TTC6: variants seen among roughly 807,000 people sequenced by gnomAD.
TTC6 encodes the protein tetratricopeptide repeat protein 6.
Under a neutral mutation model 210.4 loss-of-function variants are expected in TTC6, and 172 were observed. That is an observed-to-expected ratio of 0.82 (90% CI 0.72 to 0.93). The LOEUF (loss-of-function observed/expected upper bound fraction) is 0.93. TTC6 is among the 40% of genes least tolerant of loss of function. The pLI, the probability that TTC6 is intolerant of heterozygous loss-of-function variation, is 0.00. For synonymous variants in TTC6, 804 were observed against 819.6 expected, an observed-to-expected ratio of 0.98 and a Z score of 0.32; for missense variants, 2,414 against 2,318.1, an observed-to-expected ratio of 1.04 and a Z score of -0.85.
chr14:37,655,364 C>T (rs1428126658), intron 1 of TTC6, among the ~76,000 whole-genome samples: 2 of 152,134 alleles, frequency 1.3e-5, no homozygotes, highest in Non-Finnish European at 2.9e-5. Flanking sequence ...TAACTTTCTG[C>T]ATTTTATTTC....
At chr14:37,783,246 A>T (rs904023500) in intron 14 of TTC6, among the ~76,000 whole-genome samples, 1 of 152,128 alleles carries the variant, frequency 6.6e-6, no homozygotes, top group African/African-American at 2.4e-5. Context: ...TCGGCTGTGA[A>T]TCTGTCTGGT....
chr14:37,710,937 C>T (rs1366506255), intron 5 of TTC6, among the ~76,000 whole-genome samples: 2 of 152,030 alleles, frequency 1.3e-5, no homozygotes, highest in East Asian at 3.9e-4. Context: ...GATTGAGTAC[C>T]TTAGTGGTTT....
intron 10 of TTC6, among the ~76,000 whole-genome samples, chr14:37,741,471 G>A (rs1477619031): frequency 6.6e-6 from 1 of 151,764 alleles, no homozygotes; most frequent in East Asian, 2.0e-4. Context: ...CGTATTTTTA[G>A]TAGAGACAGG....
chr14:37,697,801 A>G (rs1038121306), intron 4 of TTC6, among the ~76,000 whole-genome samples: 1 of 152,212 alleles, frequency 6.6e-6, no homozygotes, highest in African/African-American at 2.4e-5. Flanking sequence ...TTTACCTTCA[A>G]TAAATAGTTA....
intron 1 of TTC6, among the ~76,000 whole-genome samples, chr14:37,677,099 G>A (rs1178420799): frequency 6.6e-6 from 1 of 151,898 alleles, no homozygotes; most frequent in Non-Finnish European, 1.5e-5. Context: ...CTGAAAAAAA[G>A]GCCCTTGTTT....
intron 7 of TTC6, among the ~76,000 whole-genome samples, chr14:37,731,848 A>AT (rs1327540862): frequency 1.2e-4 from 17 of 145,944 alleles, no homozygotes; most frequent in South Asian, 2.1e-4. Context: ...ATACAGTTGG[A>AT]TTTTTTTTGT....
rs554862157 is a variant in TTC6, at chr14:37,764,488, CTGAT to C, written c.3266+11261_3266+11264del. Among the ~76,000 whole-genome samples the C allele has an allele frequency of 1.9e-3, 288 of 152,228 alleles. 1 individual carries two copies. Among genetic ancestry groups the C allele is most frequent in the African/African-American group, 6.3e-3 (263 of 41,560 alleles). ...CTGTGTTTATAATGGTCATATCTTA[CTGAT>C]TGATTGACTCTTTCATCAATATGTA... On this transcript the variant is annotated intron_variant, in intron 14 of 30. Transcript: ENST00000553443.
intron 1 of TTC6, among the ~76,000 whole-genome samples, chr14:37,624,349 A>G (rs1323691744): frequency 6.6e-6 from 1 of 152,208 alleles, no homozygotes; most frequent in Non-Finnish European, 1.5e-5. Flanking sequence ...GAGCCTTAGC[A>G]AAGAGAAGAA....
At chr14:37,713,391 A>G (rs2095847653) in intron 5 of TTC6, among the ~76,000 whole-genome samples, 1 of 152,128 alleles carries the variant, frequency 6.6e-6, no homozygotes, top group East Asian at 1.9e-4. Flanking sequence ...GGTGTGTGCC[A>G]CTACACCCAG....
intron 14 of TTC6, among the ~76,000 whole-genome samples, chr14:37,773,542 A>C (rs1235978203): frequency 6.6e-6 from 1 of 151,930 alleles, no homozygotes; most frequent in East Asian, 1.9e-4. Flanking sequence ...GTTTTTGTCA[A>C]CTTTGTCCAA....
intron 15 of TTC6, among the ~76,000 whole-genome samples, chr14:37,790,445 C>T (rs566160108): frequency 4.6e-5 from 7 of 152,272 alleles, no homozygotes; most frequent in South Asian, 4.1e-4. Flanking sequence ...CTCACCTATA[C>T]GGTGAGTGGA....
intron 1 of TTC6, among the ~76,000 whole-genome samples, chr14:37,640,057 C>T (rs7146375): frequency 0.038 from 5,754 of 151,640 alleles, 300 homozygotes; most frequent in African/African-American, 0.11. Flanking sequence ...ACAAGGATTT[C>T]GAATCAAGCT....
At chr14:37,690,339 A>G (rs2095801289) in intron 3 of TTC6, among the ~76,000 whole-genome samples, 1 of 151,790 alleles carries the variant, frequency 6.6e-6, no homozygotes, top group Non-Finnish European at 1.5e-5. Context: ...ATAACCAGAA[A>G]ACAAATAACA....
At chr14:37,595,645 G>A (rs1029575096), upstream of TTC6, among the ~76,000 whole-genome samples, 6 of 152,128 alleles carry the variant, frequency 3.9e-5, no homozygotes, top group East Asian at 9.7e-4. Context: ...GGCCGGGGGC[G>A]GTGGCGTCGG....
At chr14:37,799,936 C>G (rs968406112) in intron 20 of TTC6, among the ~76,000 whole-genome samples, 1 of 152,126 alleles carries the variant, frequency 6.6e-6, no homozygotes, top group South Asian at 2.1e-4. Context: ...GCTTGTTCGT[C>G]AACAATATTC....
At chr14:37,624,026 CTTA>C (rs2095656010) in intron 1 of TTC6, among the ~76,000 whole-genome samples, 1 of 152,158 alleles carries the variant, frequency 6.6e-6, no homozygotes, top group Non-Finnish European at 1.5e-5. Flanking sequence ...CTACAAATAT[CTTA>C]TTAGTACACA....
intron 3 of TTC6, among the ~76,000 whole-genome samples, chr14:37,688,188 G>C (rs998401743): frequency 1.2e-4 from 18 of 152,158 alleles, no homozygotes; most frequent in African/African-American, 4.3e-4. Flanking sequence ...GATGGCGGTG[G>C]CCACAGGGAG....
At chr14:37,755,983 G>A (rs1483412366) in intron 14 of TTC6, among the ~76,000 whole-genome samples, 2 of 152,168 alleles carry the variant, frequency 1.3e-5, no homozygotes, top group Non-Finnish European at 1.5e-5. Flanking sequence ...TCCTATCCGT[G>A]AGCATGGAAT....
intron 14 of TTC6, among the ~76,000 whole-genome samples, chr14:37,759,498 A>G (rs2139091319): frequency 6.6e-6 from 1 of 152,028 alleles, no homozygotes; most frequent in South Asian, 2.1e-4. Context: ...GCACTTCTCG[A>G]TGAGTATTTT....
Sources: gnomAD v4.1 joint callset for allele counts (sites outside exome capture counted in the v4.1 genomes callset) on GRCh38, gnomAD v4.1.1 for gene constraint, MANE v1.5 for transcripts, NCBI Gene and HGNC (gene_info 2026-07-23, HGNC 2026-07-21) for gene names.